The following SPIDR variants were observed in gnomAD, a reference collection of about 807,000 sequenced individuals.
SPIDR encodes DNA repair-scaffolding protein.
SPIDR carries 93 observed loss-of-function variants against 104.6 expected under a neutral mutation model. That is an observed-to-expected ratio of 0.89 (90% confidence interval 0.75 to 1.06). The LOEUF (loss-of-function observed/expected upper bound fraction) is 1.06, where lower values mean the gene tolerates loss of function less well. Among genes scored for constraint, SPIDR ranks in the 50% least tolerant of loss-of-function variants. SPIDR has a pLI of 0.00. For missense variants in SPIDR, 1,154 were observed against 1,111.2 expected, an observed-to-expected ratio of 1.04 and a Z score of -0.55; for synonymous variants, 431 against 416.9, an observed-to-expected ratio of 1.03 and a Z score of -0.41.
intron 5 of SPIDR, among the ~76,000 whole-genome samples, chr8:47,346,853 T>C (rs1327512758): frequency 1.3e-5 from 2 of 152,202 alleles, no homozygotes; most frequent in African/African-American, 4.8e-5. Flanking sequence ...TTCTCTCTTT[T>C]CTTCTTAGTC....
At chr8:47,589,854 A>C (rs1162972974) in intron 8 of SPIDR, among the ~76,000 whole-genome samples, 1 of 151,814 alleles carries the variant, frequency 6.6e-6, no homozygotes, top group African/African-American at 2.4e-5. Flanking sequence ...TTTCTGTTCA[A>C]TTTTATTTAT....
At chr8:47,291,926 G>A (rs1291216273) in intron 4 of SPIDR, among the ~76,000 whole-genome samples, 3 of 152,110 alleles carry the variant, frequency 2.0e-5, no homozygotes, top group Non-Finnish European at 4.4e-5. Flanking sequence ...GACATTTTGG[G>A]CCAGATGATT....
chr8:47,663,079 C>T (rs1030722610), intron 10 of SPIDR, among the ~76,000 whole-genome samples: 4 of 152,190 alleles, frequency 2.6e-5, no homozygotes, highest in Non-Finnish European at 2.9e-5. Context: ...AGCCTCCTTC[C>T]AGTTTCTCAG....
intron 1 of SPIDR, among the ~76,000 whole-genome samples, chr8:47,262,631 C>A (rs184198809): frequency 3.3e-5 from 5 of 152,290 alleles, no homozygotes; most frequent in Admixed American, 3.3e-4. Flanking sequence ...AACAAGATAT[C>A]GGTCCCCGTG....
rs138559852 is a variant in SPIDR at position 47,454,434 on chromosome 8, A to C, written c.1097+13892A>C. ...TAGGTGGGAAGTGGAAAATGAGAAC[A>C]CTTGGACACAGGAAGGGAAACATCA... On this transcript the variant is annotated intron_variant, in intron 8 of 19. Transcript: ENST00000297423. Among the ~76,000 whole-genome samples the C allele has an allele frequency of 5.1e-3, 775 of 151,864 alleles. 8 individuals carry two copies. The highest frequency in any genetic ancestry group is 0.018 in the African/African-American group (736 of 41,434).
At chr8:47,522,479 G>A (rs1250617085) in intron 8 of SPIDR, among the ~76,000 whole-genome samples, 1 of 152,192 alleles carries the variant, frequency 6.6e-6, no homozygotes, top group Non-Finnish European at 1.5e-5. Flanking sequence ...CCGAGCCAGT[G>A]TGGAAATGGG....
At chr8:47,531,171 C>T (rs777348234) in intron 8 of SPIDR, among the ~76,000 whole-genome samples, 7 of 152,134 alleles carry the variant, frequency 4.6e-5, no homozygotes, top group Non-Finnish European at 7.4e-5. Context: ...GTATTACAGG[C>T]GTGAGTCACT....
At chr8:47,351,186 C>G (rs539358076) in intron 5 of SPIDR, among the ~76,000 whole-genome samples, 1 of 152,190 alleles carries the variant, frequency 6.6e-6, no homozygotes, top group Admixed American at 6.5e-5. Context: ...TGTTGTTAAT[C>G]TCTTTACTGT....
intron 5 of SPIDR, among the ~76,000 whole-genome samples, chr8:47,356,584 G>A (rs374242384): frequency 6.6e-6 from 1 of 152,188 alleles, no homozygotes; most frequent in Non-Finnish European, 1.5e-5. Context: ...GATTATATAC[G>A]ATAGTTAAAT....
intron 8 of SPIDR, among the ~76,000 whole-genome samples, chr8:47,489,538 T>G (rs1586595739): frequency 6.6e-6 from 1 of 152,128 alleles, no homozygotes; most frequent in African/African-American, 2.4e-5. Flanking sequence ...AGAGCCACAT[T>G]GCCAAGACAA....
chr8:47,302,694 G>A (rs1215109011), intron 5 of SPIDR, among the ~76,000 whole-genome samples: 1 of 152,216 alleles, frequency 6.6e-6, no homozygotes, highest in Non-Finnish European at 1.5e-5. Flanking sequence ...GTCTGTTGGA[G>A]TTTGGTGGAG....
At chr8:47,440,868 A>G (rs2069295873) in intron 8 of SPIDR, among the ~76,000 whole-genome samples, 1 of 152,234 alleles carries the variant, frequency 6.6e-6, no homozygotes, top group African/African-American at 2.4e-5. Context: ...AACAGGCATT[A>G]TGTGACAGTA....
chr8:47,654,504 A>G (rs2072327588), intron 10 of SPIDR, among the ~76,000 whole-genome samples: 1 of 152,182 alleles, frequency 6.6e-6, no homozygotes, highest in South Asian at 2.1e-4. Context: ...AGAAAGAGAG[A>G]TACTGGCCAG....
chr8:47,571,327 T>C (rs765499483), intron 8 of SPIDR, among the ~76,000 whole-genome samples: 3 of 152,174 alleles, frequency 2.0e-5, no homozygotes, highest in Non-Finnish European at 1.5e-5. Context: ...TAGATGGAGA[T>C]GTTAATGCTG....
intron 5 of SPIDR, among the ~76,000 whole-genome samples, chr8:47,358,496 A>G (rs887735644): frequency 2.6e-5 from 4 of 152,080 alleles, no homozygotes; most frequent in African/African-American, 9.7e-5. Flanking sequence ...CTCACTTCTG[A>G]GTTTGGCCTG....
At chr8:47,471,742 G>C (rs2075738933) in intron 8 of SPIDR, among the ~76,000 whole-genome samples, 4 of 152,086 alleles carry the variant, frequency 2.6e-5, no homozygotes, top group Admixed American at 1.3e-4. Flanking sequence ...AAAAAGAAGG[G>C]AGCAATTAAA....
At chr8:47,514,387 C>T (rs1197129301) in intron 8 of SPIDR, among the ~76,000 whole-genome samples, 1 of 152,158 alleles carries the variant, frequency 6.6e-6, no homozygotes, top group East Asian at 1.9e-4. Flanking sequence ...ACTCACTGCT[C>T]TGTGTTGGTG....
At chr8:47,648,557 G>C (rs905764317) in intron 10 of SPIDR, among the ~76,000 whole-genome samples, 1 of 152,198 alleles carries the variant, frequency 6.6e-6, no homozygotes, top group Non-Finnish European at 1.5e-5. Context: ...TCTACTAAGA[G>C]GCTCTGGGAC....
intron 11 of SPIDR, among the ~76,000 whole-genome samples, chr8:47,690,350 A>G (rs1214466419): frequency 6.6e-6 from 1 of 152,000 alleles, no homozygotes; most frequent in Admixed American, 6.6e-5. Context: ...GTGTGTAAAG[A>G]ACATTTTTTT....
Sources: gnomAD v4.1 joint callset for allele counts (sites outside exome capture counted in the v4.1 genomes callset) on GRCh38, gnomAD v4.1.1 for gene constraint, MANE v1.5 for transcripts, NCBI Gene and HGNC (gene_info 2026-07-23, HGNC 2026-07-21) for gene names.